LCORL: variants seen among roughly 807,000 people sequenced by gnomAD.
LCORL encodes the protein ligand dependent nuclear receptor corepressor like, also known as ligand-dependent nuclear receptor corepressor-like protein.
LCORL carries 41 observed loss-of-function variants against 141.8 expected under a neutral mutation model. The ratio of observed to expected loss-of-function variants is 0.29; its 90% CI spans 0.23 to 0.38. The LOEUF is 0.38. Ranked by LOEUF, LCORL falls within the 10% of genes least tolerant of loss-of-function variation. The pLI, the probability that LCORL is intolerant of heterozygous loss-of-function variation, is 1.00. For missense variants in LCORL, 1,759 were observed against 2,035.0 expected (o/e 0.86, Z 2.61); for synonymous variants, 618 against 694.1 (o/e 0.89, Z 1.72).
intron 5 of LCORL, among the ~76,000 whole-genome samples, chr4:17,899,795 A>T (rs1560310637): frequency 6.6e-6 from 1 of 152,340 alleles, no homozygotes; most frequent in East Asian, 1.9e-4. Flanking sequence ...TCAACTTTAT[A>T]TCATATGAGT....
At chr4:18,003,037 C>T (rs1004400735) in intron 1 of LCORL, among the ~76,000 whole-genome samples, 1 of 152,120 alleles carries the variant, frequency 6.6e-6, no homozygotes, top group African/African-American at 2.4e-5. Context: ...TTTTTTAAAT[C>T]GCAATCTGAC....
intron 7 of LCORL, among the ~76,000 whole-genome samples, chr4:17,869,622 T>A (rs1015619505): frequency 2.0e-5 from 3 of 152,132 alleles, no homozygotes; most frequent in Admixed American, 2.0e-4. Flanking sequence ...AGGCTCCGAC[T>A]CCCTAGGCTC....
intron 5 of LCORL, among the ~76,000 whole-genome samples, chr4:17,897,374 A>T (rs1258684340): frequency 6.6e-6 from 1 of 150,674 alleles, no homozygotes; most frequent in African/African-American, 2.4e-5. Context: ...TTATCTTCTG[A>T]TTCTGTTGTT....
At chr4:18,016,758 A>G (rs901775274) in intron 1 of LCORL, among the ~76,000 whole-genome samples, 3 of 152,130 alleles carry the variant, frequency 2.0e-5, no homozygotes, top group African/African-American at 7.2e-5. Context: ...TTAAATTTAC[A>G]TGTTTTACTT....
rs1057287592 is a variant in LCORL at position 17,916,643 on chromosome 4, C to CTTT, written c.431-7301_431-7299dup. On this transcript the variant is annotated intron_variant, in intron 4 of 7. Transcript: ENST00000635767. Reference sequence around the variant, plus strand: ...ATGAAAGCATGAGCCAATTAAATGTCTTTTTTTTTTTTTTTTTTTTTTTTA... The same window carrying CTTT: ...ATGAAAGCATGAGCCAATTAAATGTCTTTTTTTTTTTTTTTTTTTTTTTTTTTA... Among the ~76,000 whole-genome samples the CTTT allele has an allele frequency of 2.1e-4, 24 of 113,108 alleles. 1 individual carries two copies. Among genetic ancestry groups the CTTT allele is most frequent in the African/African-American group, 4.0e-4 (12 of 29,972 alleles). 74.2% of individuals were successfully genotyped at this position (113,108 alleles called of 152,430 possible).
chr4:17,928,506 G>A (rs1027335620), intron 4 of LCORL, among the ~76,000 whole-genome samples: 3 of 152,196 alleles, frequency 2.0e-5, no homozygotes, highest in Non-Finnish European at 4.4e-5. Context: ...CTCCATACAT[G>A]TAGAGAAAGT....
At chr4:17,952,479 G>A (rs1234781018) in intron 4 of LCORL, among the ~76,000 whole-genome samples, 6 of 148,604 alleles carry the variant, frequency 4.0e-5, no homozygotes, top group Admixed American at 6.7e-5. Context: ...GCAGTGGCGC[G>A]ATCTCGGCTC....
At chr4:17,876,861 G>T in exon 7 of LCORL, 1 of 1,230,732 alleles carries the variant, frequency 8.1e-7, no homozygotes, top group Non-Finnish European at 1.0e-6. Context: ...AGACAAGTTA[G>T]TTTCTGAACT....
rs140131307 is a variant in LCORL at position 17,930,113 on chromosome 4, G to A, written c.431-20768C>T. Among the ~76,000 whole-genome samples the A allele has an allele frequency of 5.2e-3, 798 of 152,288 alleles. 6 individuals carry two copies. Among genetic ancestry groups the A allele is most frequent in the African/African-American group, 0.018 (742 of 41,554 alleles). The stretch of plus-strand genomic sequence containing the variant: ...AAAAATACAGATAATAACAAGTATT[G>A]TGGAGGATGTGGAAAAACTGGAACC... On this transcript the variant is annotated intron_variant, in intron 4 of 7. Transcript: ENST00000635767.
chr4:17,925,156 G>A (rs1734920755), intron 4 of LCORL, among the ~76,000 whole-genome samples: 1 of 152,152 alleles, frequency 6.6e-6, no homozygotes, highest in Non-Finnish European at 1.5e-5. Context: ...GCTACTTTGG[G>A]ATCCCCCTAC....
intron 4 of LCORL, among the ~76,000 whole-genome samples, chr4:17,924,929 T>C (rs766668409): frequency 6.6e-6 from 1 of 152,150 alleles, no homozygotes; most frequent in Non-Finnish European, 1.5e-5. Flanking sequence ...TGGTACTGTT[T>C]CTCCCATAGC....
intron 5 of LCORL, among the ~76,000 whole-genome samples, chr4:17,904,090 T>G (rs1043878791): frequency 2.6e-5 from 4 of 152,028 alleles, no homozygotes; most frequent in African/African-American, 9.7e-5. Flanking sequence ...TCTTCATAGA[T>G]ATGAGCCTAA....
At chr4:18,018,210 A>C (rs1724913103) in intron 1 of LCORL, among the ~76,000 whole-genome samples, 1 of 152,132 alleles carries the variant, frequency 6.6e-6, no homozygotes. Context: ...TGACTTATCA[A>C]ATGCTAATTA....
intron 7 of LCORL, among the ~76,000 whole-genome samples, chr4:17,868,979 C>T (rs1250059592): frequency 1.3e-5 from 2 of 151,706 alleles, no homozygotes; most frequent in East Asian, 1.9e-4. Context: ...AGAAAATGGA[C>T]TCTAATATCT....
chr4:17,976,750 T>C (rs992816210), intron 1 of LCORL, among the ~76,000 whole-genome samples: 2 of 152,180 alleles, frequency 1.3e-5, no homozygotes, highest in African/African-American at 2.4e-5. Context: ...TATAAAGTTG[T>C]AGGTTGACAG....
intron 6 of LCORL, among the ~76,000 whole-genome samples, chr4:17,880,058 TAG>T (rs575205193): frequency 1.2e-3 from 181 of 151,190 alleles, no homozygotes; most frequent in African/African-American, 4.2e-3. Context: ...GCAAAGCTTT[TAG>T]AGTTTTCTTA....
exon 8 of LCORL, chr4:17,842,414 A>G: frequency 1.3e-6 from 2 of 1,536,168 alleles, no homozygotes; most frequent in Middle Eastern, 1.7e-4. Context: ...ATGGAGGCCT[A>G]TCTTCACTTT....
At chr4:18,016,050 A>G (rs944433713) in intron 1 of LCORL, among the ~76,000 whole-genome samples, 2 of 152,010 alleles carry the variant, frequency 1.3e-5, no homozygotes, top group Admixed American at 1.3e-4. Context: ...AGACCATTCA[A>G]GCCCTTACTA....
chr4:17,899,364 C>CA lies in LCORL; in HGVS notation c.682+9729dup, dbSNP rs534037461. On this transcript the variant is annotated intron_variant, in intron 5 of 7. Transcript: ENST00000635767. Reference sequence around the variant, plus strand: ...CAGAAATGATGAACAGGGGGCAAGCCAAAAAAAAACAAGAATATGTGAAGG... The same window carrying CA: ...CAGAAATGATGAACAGGGGGCAAGCCAAAAAAAAAACAAGAATATGTGAAGG... Among the ~76,000 whole-genome samples, 24 of 146,120 alleles carry CA rather than the reference C, an allele frequency of 1.6e-4. No individual in the cohort carries two copies. The South Asian group carries it at 1.7e-3, about 11-fold the overall frequency.
Sources: gnomAD v4.1 joint callset for allele counts (sites outside exome capture counted in the v4.1 genomes callset) on GRCh38, gnomAD v4.1.1 for gene constraint, MANE v1.5 for transcripts, NCBI Gene and HGNC (gene_info 2026-07-23, HGNC 2026-07-21) for gene names.